MAMDC2: variants seen among roughly 807,000 people sequenced by gnomAD.
MAMDC2 encodes the protein MAM domain-containing protein 2.
A neutral mutation model predicts 89.8 loss-of-function variants in MAMDC2; 57 were observed. That is an observed-to-expected ratio of 0.63 (90% CI 0.51 to 0.79). MAMDC2 has a LOEUF of 0.79. Ranked by LOEUF, MAMDC2 falls within the 30% of genes least tolerant of loss-of-function variation. MAMDC2 has a pLI of 0.00. For synonymous variants in MAMDC2, 313 were observed against 293.4 expected, an observed-to-expected ratio of 1.07 and a Z score of -0.68; for missense variants, 800 against 820.6, an observed-to-expected ratio of 0.97 and a Z score of 0.31.
intron 11 of MAMDC2, among the ~76,000 whole-genome samples, chr9:70,204,404 T>A (rs2033172754): frequency 6.6e-6 from 1 of 151,732 alleles, no homozygotes; most frequent in Non-Finnish European, 1.5e-5. Context: ...GAGGAGGCAG[T>A]CTGCCAGTTC....
At position 70,168,793 on chromosome 9, in the gene MAMDC2, C is replaced by T; in HGVS notation, c.1496C>T (p.Ser499Leu). 1.9e-6 allele frequency: 3 copies of T among 1,612,196 alleles called. No individual in the cohort carries two copies. The South Asian group carries it at 3.3e-5, about 18-fold the overall frequency. The change falls in exon 10 of 14, where the codon TCA (serine) becomes TTA (leucine). Residue 499 changes from serine (S) to leucine (L), a missense_variant and splice_region_variant. Ser to Leu is a moderately radical substitution (Grantham distance 145, BLOSUM62 -2). Coordinates refer to ENST00000377182, the MANE Select transcript of MAMDC2 (RefSeq NM_153267.5). ...ITIQLGSCSS[S>L]EKLPPPPGEC... ...ATACAATTGGGAAGCTGCTCATCTTCAGGTAAGACGGCAATCATTTTAGCT... is the reference window on the plus strand; with the variant it reads ...ATACAATTGGGAAGCTGCTCATCTTTAGGTAAGACGGCAATCATTTTAGCT...
chr9:70,199,127 T>A (rs1421425747), intron 11 of MAMDC2, among the ~76,000 whole-genome samples: 1 of 150,858 alleles, frequency 6.6e-6, no homozygotes, highest in African/African-American at 2.4e-5. Flanking sequence ...TACATATGTA[T>A]ACATGTGCTG....
chr9:70,214,787 C>G (rs957814279), intron 11 of MAMDC2, among the ~76,000 whole-genome samples: 3 of 152,086 alleles, frequency 2.0e-5, no homozygotes, highest in African/African-American at 7.2e-5. Context: ...AGTGGGAATT[C>G]CTGATAGCCT....
rs554647049 is a variant in MAMDC2, at chr9:70,106,950, C to T, written c.149-1261C>T. Among the ~76,000 whole-genome samples, 6 of 152,154 alleles carry T rather than the reference C, an allele frequency of 3.9e-5. No individual in the cohort carries two copies. In the East Asian group the frequency reaches 7.7e-4, roughly 20 times the overall value. ...TGGGATGGGCATTTGAGACAACAAG[C>T]GTGGGAGGACAGGCTGAAGAACATC... is the stretch of plus-strand genomic sequence containing the variant. On this transcript the variant is annotated intron_variant, in intron 2 of 13. Coordinates refer to ENST00000377182, the MANE Select transcript of MAMDC2 (RefSeq NM_153267.5).
At chr9:70,165,515 G>A (rs1172453829) in intron 9 of MAMDC2, among the ~76,000 whole-genome samples, 1 of 152,186 alleles carries the variant, frequency 6.6e-6, no homozygotes, top group Non-Finnish European at 1.5e-5. Context: ...TAACCTTAGG[G>A]ATCTTTTATC....
At chr9:70,113,180 C>T (rs1216075306) in intron 5 of MAMDC2, 48 bp downstream of exon 5, 5 of 1,599,380 alleles carry the variant, frequency 3.1e-6, no homozygotes, top group Admixed American at 3.4e-5. Flanking sequence ...AATTTTTCTG[C>T]TGTCTCCTCC....
intron 2 of MAMDC2, among the ~76,000 whole-genome samples, chr9:70,107,636 T>C (rs1828376928): frequency 6.6e-6 from 1 of 152,170 alleles, no homozygotes; most frequent in Non-Finnish European, 1.5e-5. Flanking sequence ...TAGCTTACAA[T>C]GTACTTTTTC....
At chr9:70,205,397 C>A (rs565366189) in intron 11 of MAMDC2, among the ~76,000 whole-genome samples, 1 of 152,322 alleles carries the variant, frequency 6.6e-6, no homozygotes, top group Admixed American at 6.5e-5. Flanking sequence ...ACACCTTCTA[C>A]AATTGTTCTT....
Position 70,225,736 on chromosome 9 carries a change from T to G in MAMDC2, c.1912-14T>G. On this transcript the variant is annotated splice_polypyrimidine_tract_variant and intron_variant, in intron 12 of 13. Coordinates refer to ENST00000377182, the MANE Select transcript of MAMDC2 (RefSeq NM_153267.5). ...ATGATTCTATTTCTAAATTCAAACA[T>G]ATTATTCTTTCAGATAATTTTTGAA... 6.7e-7 allele frequency: 1 copy of G among 1,496,326 alleles called. No individual in the cohort carries two copies. The highest frequency in any genetic ancestry group is 9.3e-7 in the Non-Finnish European group (1 of 1,073,344). The allele number at this position is 1,496,326 out of a possible 1,614,324, so 92.7% of individuals were successfully genotyped here. A position where few individuals can be genotyped will look rare whatever the true frequency, so the allele number is the denominator to read the frequency against.
At chr9:70,190,165 AT>A (rs1033695916) in intron 11 of MAMDC2, among the ~76,000 whole-genome samples, 1 of 151,966 alleles carries the variant, frequency 6.6e-6, no homozygotes, top group African/African-American at 2.4e-5. Context: ...GTGTCTCATA[AT>A]TTTTGCTGAA....
intron 11 of MAMDC2, among the ~76,000 whole-genome samples, chr9:70,204,748 T>TCCG: frequency 6.6e-6 from 1 of 152,184 alleles, no homozygotes; most frequent in Admixed American, 6.5e-5. Flanking sequence ...GTGTGGGATA[T>TCCG]AGTCTCGTGG....
chr9:70,061,963 G>A (rs982424537), intron 2 of MAMDC2, among the ~76,000 whole-genome samples: 1 of 151,606 alleles, frequency 6.6e-6, no homozygotes, highest in African/African-American at 2.4e-5. Flanking sequence ...TGATTCAGCT[G>A]TAATGGGATT....
At chr9:70,138,941 G>C (rs2031098318) in intron 7 of MAMDC2, among the ~76,000 whole-genome samples, 1 of 151,910 alleles carries the variant, frequency 6.6e-6, no homozygotes, top group African/African-American at 2.4e-5. Context: ...GAGCAACAAA[G>C]GAAAATTGTT....
In MAMDC2 at chr9:70,180,022, C is replaced by T. The variant is rs556337723; in HGVS notation, c.1651+9391C>T. Among the ~76,000 whole-genome samples, 3 of 151,384 alleles carry T rather than the reference C, an allele frequency of 2.0e-5. No homozygotes were observed. In the South Asian group the frequency reaches 6.3e-4, roughly 32 times the overall value. Reference sequence around the variant, plus strand: ...CATGCATTAGATATTTGTCCCCCCACCCCCCAACAGGCCCCGGTGTGTGAT... The same window carrying T: ...CATGCATTAGATATTTGTCCCCCCATCCCCCAACAGGCCCCGGTGTGTGAT... On this transcript the variant is annotated intron_variant, in intron 11 of 13. Coordinates refer to ENST00000377182, the MANE Select transcript of MAMDC2 (RefSeq NM_153267.5).
At chr9:70,071,688 G>A (rs1314730724) in intron 2 of MAMDC2, 1 of 152,170 alleles carries the variant, frequency 6.6e-6, no homozygotes, top group Non-Finnish European at 1.5e-5. Flanking sequence ...GTGGTTGAAA[G>A]CATTTCCATT....
At chr9:70,110,509 G>A (rs974590011) in intron 4 of MAMDC2, among the ~76,000 whole-genome samples, 13 of 152,178 alleles carry the variant, frequency 8.5e-5, no homozygotes, top group African/African-American at 2.9e-4. Context: ...AGGGTAGGAA[G>A]GCAAGGGTTC....
At chr9:70,123,586 T>G (rs1438042723) in intron 5 of MAMDC2, among the ~76,000 whole-genome samples, 1 of 152,136 alleles carries the variant, frequency 6.6e-6, no homozygotes, top group Non-Finnish European at 1.5e-5. Flanking sequence ...AAAATTCAAA[T>G]GTTGAAGTCC....
At chr9:70,129,873 G>T (rs1390667531) in intron 6 of MAMDC2, among the ~76,000 whole-genome samples, 1 of 152,146 alleles carries the variant, frequency 6.6e-6, no homozygotes, top group East Asian at 1.9e-4. Flanking sequence ...TGATCAAGGT[G>T]CTGGCAGGGC....
At chr9:70,180,214 T>A (rs4588925) in intron 11 of MAMDC2, among the ~76,000 whole-genome samples, 1 of 152,008 alleles carries the variant, frequency 6.6e-6, no homozygotes, top group Non-Finnish European at 1.5e-5. Context: ...TATGGCTGCA[T>A]AGTATTTCAT....
Sources: gnomAD v4.1 joint callset for allele counts (sites outside exome capture counted in the v4.1 genomes callset) on GRCh38, gnomAD v4.1.1 for gene constraint, MANE v1.5 for transcripts, NCBI Gene and HGNC (gene_info 2026-07-23, HGNC 2026-07-21) for gene names.